The following TMEM196 variants were observed in gnomAD, a reference collection of about 807,000 sequenced individuals.
TMEM196 encodes transmembrane protein 196.
TMEM196 carries 17 observed loss-of-function variants against 20.0 expected under a neutral mutation model. The observed-to-expected ratio is 0.85, with a 90% CI of 0.58 to 1.27. TMEM196 has a LOEUF of 1.27. Among genes scored for constraint, TMEM196 ranks in the 50% most tolerant of loss-of-function variants. The probability of loss-of-function intolerance (pLI) is 0.00; values close to 1 mark genes in which losing one functional copy is unlikely to be tolerated. For synonymous variants in TMEM196, 113 were observed against 88.9 expected, an observed-to-expected ratio of 1.27 and a Z score of -1.52; for missense variants, 267 against 223.0, an observed-to-expected ratio of 1.20 and a Z score of -1.26.
intron 1 of TMEM196, among the ~76,000 whole-genome samples, chr7:19,747,194 G>A (rs1336715342): frequency 1.3e-5 from 2 of 150,034 alleles, no homozygotes; most frequent in Non-Finnish European, 2.9e-5. Context: ...GGCGGAGCTT[G>A]CAGTTAGCCG....
intron 1 of TMEM196, among the ~76,000 whole-genome samples, chr7:19,741,587 C>T (rs1784582370): frequency 6.6e-6 from 1 of 152,134 alleles, no homozygotes; most frequent in Non-Finnish European, 1.5e-5. Context: ...TGACCTTCCA[C>T]ATGTCACAGT....
intron 1 of TMEM196, among the ~76,000 whole-genome samples, chr7:19,737,718 G>A (rs1784458476): frequency 6.6e-6 from 1 of 151,734 alleles, no homozygotes; most frequent in Non-Finnish European, 1.5e-5. Flanking sequence ...AAATAATAGA[G>A]ACAGTAAAAA....
At chr7:19,728,669 T>G (rs1032239314) in intron 2 of TMEM196, among the ~76,000 whole-genome samples, 2 of 152,202 alleles carry the variant, frequency 1.3e-5, no homozygotes, top group African/African-American at 4.8e-5. Context: ...GTGTCTATGT[T>G]CTTTCCCATA....
chr7:19,769,021 T>C (rs1785753541), intron 1 of TMEM196, among the ~76,000 whole-genome samples: 1 of 152,218 alleles, frequency 6.6e-6, no homozygotes, highest in Non-Finnish European at 1.5e-5. Flanking sequence ...AGGGTCTCTC[T>C]ATATAAAAAT....
At position 19,751,798 on chromosome 7, in the gene TMEM196, A is replaced by G. The variant is rs1236651506; in HGVS notation, c.147+20752T>C. Among the ~76,000 whole-genome samples the G allele has an allele frequency of 2.0e-5, 3 of 152,190 alleles. No homozygotes were observed. The East Asian group carries it at 5.8e-4, about 29-fold the overall frequency. ...TCTTATTTACAGGATCTTCCCTTGTACCAAAACTGTGTGTATGTTTGCTTC... is the reference window on the plus strand; with the variant it reads ...TCTTATTTACAGGATCTTCCCTTGTGCCAAAACTGTGTGTATGTTTGCTTC... On this transcript the variant is annotated intron_variant, in intron 1 of 4. Coordinates refer to ENST00000405844, the MANE Select transcript of TMEM196 (RefSeq NM_001363562.2).
chr7:19,740,417 C>T (rs1212585345), intron 1 of TMEM196, among the ~76,000 whole-genome samples: 2 of 152,052 alleles, frequency 1.3e-5, no homozygotes, highest in African/African-American at 4.8e-5. Context: ...GGGGACTGAA[C>T]TTTTGTTGAA....
intron 1 of TMEM196, among the ~76,000 whole-genome samples, chr7:19,763,408 C>T (rs1785506306): frequency 6.6e-6 from 1 of 152,030 alleles, no homozygotes; most frequent in Non-Finnish European, 1.5e-5. Flanking sequence ...AAAAACCCTG[C>T]CAAATATAAC....
chr7:19,756,034 T>TAAAA (rs35652330), intron 1 of TMEM196, among the ~76,000 whole-genome samples: 60 of 139,642 alleles, frequency 4.3e-4, no homozygotes, highest in African/African-American at 1.4e-3. Flanking sequence ...AGACTCTATT[T>TAAAA]AAAAAAAAAA....
intron 1 of TMEM196, among the ~76,000 whole-genome samples, chr7:19,739,193 A>G (rs1448347042): frequency 6.6e-6 from 1 of 152,166 alleles, no homozygotes; most frequent in East Asian, 1.9e-4. Context: ...AACTATCATT[A>G]TTTGCAGACA....
chr7:19,769,614 A>G (rs149213803), intron 1 of TMEM196, among the ~76,000 whole-genome samples: 7 of 152,222 alleles, frequency 4.6e-5, no homozygotes, highest in South Asian at 4.1e-4. Flanking sequence ...AGTCCATTCA[A>G]TTTACTAAGA....
intron 2 of TMEM196, among the ~76,000 whole-genome samples, chr7:19,728,323 A>G (rs1323314806): frequency 2.6e-5 from 4 of 152,196 alleles, no homozygotes; most frequent in Non-Finnish European, 5.9e-5. Flanking sequence ...CATAAGGAGA[A>G]TGAAGACCAT....
rs1784115856 is a variant in TMEM196, at chr7:19,729,366, C to G, written c.204+16G>C. On this transcript the variant is annotated intron_variant, in intron 2 of 4. Coordinates refer to ENST00000405844, the MANE Select transcript of TMEM196 (RefSeq NM_001363562.2). ...CATACACCTCAATGCACAATACAAA[C>G]AAATCAAACACTTACGACAAGTCCT... The G allele has an allele frequency of 1.3e-6, 2 of 1,543,334 alleles. No homozygotes were observed. Among genetic ancestry groups the G allele is most frequent in the South Asian group, 2.4e-5 (2 of 83,792 alleles).
chr7:19,762,472 G>A (rs983843784), intron 1 of TMEM196, among the ~76,000 whole-genome samples: 5 of 151,902 alleles, frequency 3.3e-5, no homozygotes, highest in African/African-American at 9.7e-5. Context: ...ATACTTGTGC[G>A]ACTGTATTAT....
At chr7:19,742,599 T>C (rs183499292) in intron 1 of TMEM196, among the ~76,000 whole-genome samples, 22 of 152,316 alleles carry the variant, frequency 1.4e-4, no homozygotes, top group Admixed American at 5.2e-4. Context: ...CTCTTGGGAA[T>C]GAGGCAGTGT....
At chr7:19,766,174 G>A (rs1396749843) in intron 1 of TMEM196, among the ~76,000 whole-genome samples, 5 of 152,106 alleles carry the variant, frequency 3.3e-5, no homozygotes, top group African/African-American at 9.7e-5. Flanking sequence ...CACTGATACC[G>A]TTATATTGAG....
At chr7:19,742,786 G>T (rs150820222) in intron 1 of TMEM196, among the ~76,000 whole-genome samples, 3 of 152,230 alleles carry the variant, frequency 2.0e-5, no homozygotes, top group African/African-American at 7.2e-5. Context: ...ATGACATGGG[G>T]ATACTTTTTA....
intron 1 of TMEM196, among the ~76,000 whole-genome samples, chr7:19,736,276 C>T (rs1784395227): frequency 7.0e-6 from 1 of 141,860 alleles, no homozygotes; most frequent in African/African-American, 2.6e-5. Flanking sequence ...ACATCATATC[C>T]TGGCTCAACT....
In TMEM196 at chr7:19,748,549, G is replaced by A. The variant is rs1037203875; in HGVS notation, c.148-19111C>T. 7.2e-5 allele frequency among the ~76,000 whole-genome samples: 11 copies of A among 152,138 alleles called. No individual in the cohort carries two copies. In the East Asian group the frequency reaches 7.7e-4, roughly 11 times the overall value. On this transcript the variant is annotated intron_variant, in intron 1 of 4. Coordinates refer to ENST00000405844, the MANE Select transcript of TMEM196 (RefSeq NM_001363562.2). The stretch of plus-strand genomic sequence containing the variant: ...AAGCAGGACACAAATCCAGTCGTCT[G>A]ACATAAACATGTCCACCCTCCTCTG...
intron 1 of TMEM196, 90 bp downstream of exon 1, chr7:19,772,460 G>C: frequency 1.5e-6 from 2 of 1,339,592 alleles, no homozygotes; most frequent in South Asian, 3.6e-5. Flanking sequence ...TTCCCAGGGA[G>C]GGAGTGACTA....
Sources: gnomAD v4.1 joint callset for allele counts (sites outside exome capture counted in the v4.1 genomes callset) on GRCh38, gnomAD v4.1.1 for gene constraint, MANE v1.5 for transcripts, NCBI Gene and HGNC (gene_info 2026-07-23, HGNC 2026-07-21) for gene names.